B4GALNT3: variants seen among roughly 807,000 people sequenced by gnomAD.
The protein encoded by B4GALNT3 is beta-1,4-N-acetyl-galactosaminyltransferase 3, also known as beta-1,4-N-acetylgalactosaminyltransferase 3.
Under a neutral mutation model 120.2 loss-of-function variants are expected in B4GALNT3, and 86 were observed. That is an observed-to-expected ratio of 0.72 (90% CI 0.60 to 0.86). The LOEUF is 0.86. Ranked by LOEUF, B4GALNT3 falls within the 40% of genes least tolerant of loss-of-function variation. The probability of loss-of-function intolerance (pLI) is 0.00; values close to 1 mark genes in which losing one functional copy is unlikely to be tolerated. For missense variants in B4GALNT3, 1,167 were observed against 1,298.9 expected (o/e 0.90, Z 1.56); for synonymous variants, 518 against 510.4 (o/e 1.01, Z -0.20).
chr12:527,193 G>T (rs1435251115), intron 1 of B4GALNT3, among the ~76,000 whole-genome samples: 1 of 152,182 alleles, frequency 6.6e-6, no homozygotes, highest in East Asian at 1.9e-4. Context: ...CTGCTAAAGT[G>T]CTGGGATTAC....
chr12:542,428 C>T (rs1420264079), intron 3 of B4GALNT3, among the ~76,000 whole-genome samples: 1 of 152,192 alleles, frequency 6.6e-6, no homozygotes, highest in Non-Finnish European at 1.5e-5. Flanking sequence ...ATCTGGGTGT[C>T]CCCTCAGAGC....
At chr12:554,237 G>GT (rs1283865044) in intron 14 of B4GALNT3, among the ~76,000 whole-genome samples, 1 of 152,246 alleles carries the variant, frequency 6.6e-6, no homozygotes, top group Non-Finnish European at 1.5e-5. Flanking sequence ...CAGTACGTGT[G>GT]TTGAGGACTG....
At chr12:461,806 G>A (rs1234040439) in intron 1 of B4GALNT3, among the ~76,000 whole-genome samples, 1 of 152,240 alleles carries the variant, frequency 6.6e-6, no homozygotes, top group African/African-American at 2.4e-5. Flanking sequence ...CCTTTCTGTG[G>A]TGATGGAAAT....
At chr12:467,667 C>G (rs1484819458) in intron 1 of B4GALNT3, among the ~76,000 whole-genome samples, 1 of 152,040 alleles carries the variant, frequency 6.6e-6, no homozygotes. Flanking sequence ...ACTTTTTTGC[C>G]TTTAGGCACC....
intron 1 of B4GALNT3, among the ~76,000 whole-genome samples, chr12:486,654 T>C (rs531415996): frequency 6.6e-6 from 1 of 152,196 alleles, no homozygotes; most frequent in Non-Finnish European, 1.5e-5. Flanking sequence ...AGAAGTCTGA[T>C]GTAGATCACA....
At position 559,041 on chromosome 12, in the gene B4GALNT3, C is replaced by T. The variant is rs912259111; in HGVS notation, c.2762-254C>T. 4.1e-4 allele frequency among the ~76,000 whole-genome samples: 62 copies of T among 152,146 alleles called. 1 individual carries two copies. Among genetic ancestry groups the T allele is most frequent in the African/African-American group, 1.4e-3 (58 of 41,514 alleles). ...ACACAGCTGTGTCTTCTGTGGCTGC[C>T]GCTGTCCGATCCATTTGTAGGGTTG... On this transcript the variant is annotated intron_variant, in intron 18 of 19. Transcript: ENST00000266383.
At chr12:467,235 C>T (rs2120419610) in intron 1 of B4GALNT3, among the ~76,000 whole-genome samples, 1 of 152,202 alleles carries the variant, frequency 6.6e-6, no homozygotes, top group African/African-American at 2.4e-5. Context: ...TGTGCTCGGC[C>T]TCATTTTAAA....
intron 1 of B4GALNT3, among the ~76,000 whole-genome samples, chr12:499,711 G>C (rs1271124459): frequency 2.0e-5 from 3 of 152,324 alleles, no homozygotes; most frequent in African/African-American, 7.2e-5. Context: ...AACAGTCCTA[G>C]CCCGTGGTAG....
chr12:531,101 A>T (rs1395622797), intron 1 of B4GALNT3, among the ~76,000 whole-genome samples: 2 of 152,188 alleles, frequency 1.3e-5, no homozygotes, highest in Admixed American at 6.5e-5. Flanking sequence ...TCAGCTCCAC[A>T]TTCCCCCAGG....
chr12:506,376 A>G (rs971162132), intron 1 of B4GALNT3, among the ~76,000 whole-genome samples: 4 of 152,198 alleles, frequency 2.6e-5, no homozygotes, highest in African/African-American at 9.7e-5. Flanking sequence ...CTGCTCTTTC[A>G]ATCACAGGGA....
chr12:494,163 G>A (rs1020341006), intron 1 of B4GALNT3, among the ~76,000 whole-genome samples: 1 of 151,950 alleles, frequency 6.6e-6, no homozygotes. Context: ...CCAGCTACTC[G>A]GGAGGCTGAG....
rs1312509127 is a variant in B4GALNT3, at chr12:460,347, C to A, written c.-30C>A. Reference sequence around the variant, plus strand: ...CGGCGGCTCGGGGGGTTGGAGCCCGCGCTGGCGGCGGCCGCCTCGGCGCAG... The same window carrying A: ...CGGCGGCTCGGGGGGTTGGAGCCCGAGCTGGCGGCGGCCGCCTCGGCGCAG... On this transcript the variant is annotated 5_prime_UTR_variant, in exon 1 of 20. Transcript: ENST00000266383. This position sits in a 1 kb window ranked among gnomAD's most constrained non-coding sequence, Gnocchi z 8.0. 4 of 1,084,210 alleles carry A rather than the reference C, an allele frequency of 3.7e-6. No individual in the cohort carries two copies. In the East Asian group the frequency reaches 2.2e-4, roughly 59 times the overall value. 67.2% of individuals were successfully genotyped at this position (1,084,210 alleles called of 1,614,324 possible). A position where few individuals can be genotyped will look rare whatever the true frequency, so the allele number is the denominator to read the frequency against.
intron 19 of B4GALNT3, 94 bp from the exon 20 acceptor site, chr12:561,249 T>G: frequency 1.1e-6 from 1 of 907,880 alleles, no homozygotes; most frequent in Non-Finnish European, 1.8e-6. Flanking sequence ...CCCTGCCCCG[T>G]GGGGAGCGAA....
intron 1 of B4GALNT3, among the ~76,000 whole-genome samples, chr12:498,533 G>A (rs1592023888): frequency 1.3e-5 from 2 of 152,222 alleles, no homozygotes; most frequent in East Asian, 3.9e-4. Flanking sequence ...CACCCACATT[G>A]CTAGTTTTTT....
intron 1 of B4GALNT3, among the ~76,000 whole-genome samples, chr12:467,286 T>A (rs1401212212): frequency 6.6e-6 from 1 of 152,070 alleles, no homozygotes. Flanking sequence ...CAGCCAGGTG[T>A]GGTGGCTCAC....
At chr12:546,424 G>A (rs1240124590) in intron 6 of B4GALNT3, among the ~76,000 whole-genome samples, 2 of 152,052 alleles carry the variant, frequency 1.3e-5, no homozygotes, top group African/African-American at 4.8e-5. Context: ...CAGGTCATCC[G>A]GCTGCTCCGG....
chr12:512,634 GCCTTCCA>G (rs547585240), intron 1 of B4GALNT3, among the ~76,000 whole-genome samples: 4,432 of 40,364 alleles, frequency 0.11, 163 homozygotes, highest in East Asian at 0.24. Context: ...TCCACCTTCC[GCCTTCCA>G]CCTTCCACCT....
In B4GALNT3 at chr12:558,499, T is replaced by C; in HGVS notation, c.2608-9T>C. On this transcript the variant is annotated splice_polypyrimidine_tract_variant and intron_variant, in intron 17 of 19. Coordinates refer to ENST00000266383, the MANE Select transcript of B4GALNT3 (RefSeq NM_173593.4). ...AGGGTCTGCTGACCCTGCCCACATCTGTCCCCAGGACCCGCACAGCATCAT... is the reference window on the plus strand; with the variant it reads ...AGGGTCTGCTGACCCTGCCCACATCCGTCCCCAGGACCCGCACAGCATCAT... 1 of 1,613,654 alleles carries C rather than the reference T, an allele frequency of 6.2e-7. No homozygotes were observed. Among genetic ancestry groups the C allele is most frequent in the East Asian group, 2.2e-5 (1 of 44,862 alleles).
rs139446381 is a variant in B4GALNT3 at position 557,694 on chromosome 12, G to A, written c.2467G>A (p.Val823Ile). 2.6e-4 allele frequency: 416 copies of A among 1,608,708 alleles called. 1 individual carries two copies. The East Asian group carries it at 6.0e-3, about 23-fold the overall frequency. Reference protein sequence around the residue: ...QVTGDPHFNIVITDYSSEDMD... With the variant: ...QVTGDPHFNIIITDYSSEDMD... ...CACCGGTGACCCACACTTCAACATC[G>A]TCATCACTGACTATAGCAGTGAGGA... Residue 823 changes from valine to isoleucine, a missense_variant, in exon 16 of 20, where the codon GTC (valine) becomes ATC (isoleucine). Around this residue, in one of 3 missense-constraint regions of B4GALNT3, gnomAD observed 983 missense variants for 1,102.5 expected, o/e 0.89. Coordinates refer to ENST00000266383, the MANE Select transcript of B4GALNT3 (RefSeq NM_173593.4).
Sources: allele counts gnomAD v4.1 joint callset (sites outside exome capture counted in the v4.1 genomes callset), GRCh38; gene constraint gnomAD v4.1.1; regional missense constraint gnomAD v4.1.1; non-coding constraint Gnocchi (gnomAD v3.1); transcripts MANE v1.5; gene names NCBI Gene and HGNC (gene_info 2026-07-23, HGNC 2026-07-21).